The following RANBP2 variants were observed in gnomAD, a reference collection of about 807,000 sequenced individuals.
RANBP2 encodes RAN binding protein 2.
In RANBP2, 57 loss-of-function variants were observed where a neutral mutation model predicts 303.6. That is an observed-to-expected ratio of 0.19 (90% CI 0.15 to 0.23). The LOEUF is 0.23. RANBP2 is among the 10% of genes least tolerant of loss of function. The pLI is 1.00. For synonymous variants in RANBP2, 1,167 were observed against 1,301.5 expected, an observed-to-expected ratio of 0.90 and a Z score of 2.23; for missense variants, 3,138 against 3,780.8, an observed-to-expected ratio of 0.83 and a Z score of 4.46.
the RANBP2 span, among the ~76,000 whole-genome samples, chr2:109,236,408 A>T: frequency 6.6e-6 from 1 of 152,190 alleles, no homozygotes; most frequent in Non-Finnish European, 1.5e-5. Context: ...TAAGCTGTGC[A>T]TCACTTCCAT....
chr2:109,613,804 C>A, the RANBP2 span: 1 of 1,232,608 alleles, frequency 8.1e-7, no homozygotes, highest in Non-Finnish European at 1.0e-6. Context: ...TCACCAGGTG[C>A]CGCGCCACCT....
the RANBP2 span, among the ~76,000 whole-genome samples, chr2:109,366,131 T>C: frequency 6.6e-6 from 1 of 152,240 alleles, no homozygotes; most frequent in African/African-American, 2.4e-5. Flanking sequence ...AGTTATCCAT[T>C]CTTTAAATTT....
chr2:108,909,623 G>T, the RANBP2 span, among the ~76,000 whole-genome samples: 1 of 152,220 alleles, frequency 6.6e-6, no homozygotes, highest in African/African-American at 2.4e-5. Context: ...CTGGCAGGGG[G>T]GTCCGAGCAC....
At chr2:108,782,471 A>T in intron 27 of RANBP2, 57 bp from the exon 28 acceptor site, 1 of 1,613,508 alleles carries the variant, frequency 6.2e-7, no homozygotes, top group South Asian at 1.1e-5. Flanking sequence ...AAACAAAACA[A>T]CTTATAACAG....
the RANBP2 span, among the ~76,000 whole-genome samples, chr2:109,655,715 G>A: frequency 1.3e-5 from 2 of 152,146 alleles, no homozygotes; most frequent in South Asian, 4.1e-4. Context: ...AACTGTTTGT[G>A]TGGTCTCTCT....
At chr2:109,464,588 A>G in the RANBP2 span, among the ~76,000 whole-genome samples, 1 of 152,094 alleles carries the variant, frequency 6.6e-6, no homozygotes, top group Admixed American at 6.5e-5. Flanking sequence ...CTCACAATCG[A>G]TTTCCTCTTC....
the RANBP2 span, among the ~76,000 whole-genome samples, chr2:109,218,117 A>G: frequency 8.8e-3 from 1,339 of 151,418 alleles, 18 homozygotes; most frequent in African/African-American, 0.031. Flanking sequence ...AACTGAGTAG[A>G]GACAGAAAAC....
chr2:109,005,976 A>G, the RANBP2 span, among the ~76,000 whole-genome samples: 15 of 152,140 alleles, frequency 9.9e-5, no homozygotes, highest in African/African-American at 2.7e-4. Context: ...GAGGAAGCAC[A>G]GAGGTCACAT....
At chr2:109,380,694 G>A in the RANBP2 span, among the ~76,000 whole-genome samples, 1 of 152,200 alleles carries the variant, frequency 6.6e-6, no homozygotes, top group Non-Finnish European at 1.5e-5. Context: ...GTCAGGGCCT[G>A]GCGAAGGGGC....
chr2:108,876,481 T>C, the RANBP2 span: 1 of 315,638 alleles, frequency 3.2e-6, no homozygotes, highest in African/African-American at 2.1e-5. Context: ...GTTTCTAGAA[T>C]GTATGACACT....
chr2:109,421,906 C>T, the RANBP2 span, among the ~76,000 whole-genome samples: 180 of 152,274 alleles, frequency 1.2e-3, no homozygotes, highest in African/African-American at 4.0e-3. Context: ...ACATTACATA[C>T]GTTACAGCAG....
the RANBP2 span, among the ~76,000 whole-genome samples, chr2:108,914,225 A>G: frequency 2.0e-5 from 3 of 152,064 alleles, no homozygotes; most frequent in African/African-American, 7.2e-5. Flanking sequence ...ACACCACTGC[A>G]CTCTAGCCTG....
At chr2:109,564,040 G>A in the RANBP2 span, among the ~76,000 whole-genome samples, 1 of 152,146 alleles carries the variant, frequency 6.6e-6, no homozygotes, top group Non-Finnish European at 1.5e-5. Context: ...CATCGTCTCA[G>A]ATAAATACAA....
the RANBP2 span, chr2:109,618,857 T>C: frequency 6.0e-6 from 1 of 167,110 alleles, no homozygotes; most frequent in Non-Finnish European, 1.5e-5. Context: ...CTTGAATATC[T>C]GGTACTAGTT....
the RANBP2 span, among the ~76,000 whole-genome samples, chr2:109,391,712 A>T: frequency 6.6e-6 from 1 of 152,176 alleles, no homozygotes; most frequent in African/African-American, 2.4e-5. Context: ...TGAGGCCACT[A>T]CTTCTGTGAA....
intron 1 of RANBP2, among the ~76,000 whole-genome samples, chr2:108,721,563 C>A (rs1694248795): frequency 6.6e-6 from 1 of 152,110 alleles, no homozygotes; most frequent in Non-Finnish European, 1.5e-5. Context: ...ACCTCAGTCT[C>A]CCGAGTAGTT....
the RANBP2 span, among the ~76,000 whole-genome samples, chr2:108,841,259 A>T: frequency 6.6e-6 from 1 of 152,308 alleles, no homozygotes; most frequent in Admixed American, 6.5e-5. Flanking sequence ...AGTGTTGCAT[A>T]AATGTCAATT....
chr2:108,936,269 G>A, the RANBP2 span, among the ~76,000 whole-genome samples: 2 of 152,252 alleles, frequency 1.3e-5, no homozygotes, highest in Non-Finnish European at 2.9e-5. Context: ...AAAGTCTGTA[G>A]GACGGATGTC....
the RANBP2 span, among the ~76,000 whole-genome samples, chr2:109,513,971 G>A: frequency 6.6e-6 from 1 of 152,168 alleles, no homozygotes; most frequent in African/African-American, 2.4e-5. Flanking sequence ...CAGCCTCCTG[G>A]GCCTGGGGGC....
Sources: gnomAD v4.1 joint callset for allele counts (sites outside exome capture counted in the v4.1 genomes callset) on GRCh38, gnomAD v4.1.1 for gene constraint, MANE v1.5 for transcripts, NCBI Gene and HGNC (gene_info 2026-07-23, HGNC 2026-07-21) for gene names.